Variants in ZHX2 observed in about 807,000 individuals in gnomAD.
ZHX2 encodes zinc fingers and homeoboxes 2, also known as zinc fingers and homeoboxes protein 2.
A neutral mutation model predicts 21.9 loss-of-function variants in ZHX2; 6 were observed. That is an observed-to-expected ratio of 0.27 (90% confidence interval 0.15 to 0.54). The LOEUF (loss-of-function observed/expected upper bound fraction) is 0.54, where lower values mean the gene tolerates loss of function less well. ZHX2 is among the 20% of genes least tolerant of loss of function. ZHX2 has a pLI of 0.95. For missense variants in ZHX2, 908 were observed against 1,090.7 expected, an observed-to-expected ratio of 0.83 and a Z score of 2.36; for synonymous variants, 434 against 437.1, an observed-to-expected ratio of 0.99 and a Z score of 0.09.
intron 1 of ZHX2, among the ~76,000 whole-genome samples, chr8:122,822,669 A>G (rs1454516027): frequency 1.3e-5 from 2 of 152,232 alleles, no homozygotes; most frequent in African/African-American, 4.8e-5. Context: ...AGGTCCGGAA[A>G]AGATGACAGC....
At chr8:122,940,490 G>A (rs1812814400) in intron 2 of ZHX2, among the ~76,000 whole-genome samples, 1 of 152,086 alleles carries the variant, frequency 6.6e-6, no homozygotes, top group African/African-American at 2.4e-5. Context: ...CTCCTCTCAG[G>A]GCCCCGTGTC....
chr8:122,935,809 AC>A (rs1812669947), intron 2 of ZHX2, among the ~76,000 whole-genome samples: 1 of 152,146 alleles, frequency 6.6e-6, no homozygotes. Flanking sequence ...TGCTGGGATT[AC>A]AGGTGTGAGC....
At chr8:122,960,551 A>T (rs1053932916) in intron 3 of ZHX2, among the ~76,000 whole-genome samples, 1 of 152,140 alleles carries the variant, frequency 6.6e-6, no homozygotes, top group African/African-American at 2.4e-5. Flanking sequence ...AATAATAATA[A>T]ATAAGTAAAT....
intron 1 of ZHX2, among the ~76,000 whole-genome samples, chr8:122,788,890 C>A (rs1303113405): frequency 6.6e-6 from 1 of 152,206 alleles, no homozygotes; most frequent in African/African-American, 2.4e-5. Context: ...GAGAGAATTA[C>A]AAATCCGCCT....
Position 122,953,388 on chromosome 8 carries a change from G to T in ZHX2, c.1878G>T (p.Leu626=), listed in dbSNP as rs531682416. The T allele has an allele frequency of 1.7e-5, 27 of 1,614,144 alleles. 1 individual carries two copies. In the South Asian group the frequency reaches 2.9e-4, roughly 17 times the overall value. Residue 626 remains leucine (L), a synonymous_variant, in exon 3 of 4, where the codon CTG becomes CTT. Transcript: ENST00000314393. The surrounding 1 kb of genome is among the most constrained non-coding windows in gnomAD (Gnocchi z 4.6). ...QLSGAQLTSS[L]PSPSPAIAKS... is the part of the protein sequence containing the mutation. The stretch of plus-strand genomic sequence containing the variant: ...CCGGTGCCCAGTTAACAAGTTCTCT[G>T]CCCAGCCCTTCGCCAGCAATTGCAA...
intron 2 of ZHX2, among the ~76,000 whole-genome samples, chr8:122,891,179 T>G (rs1819966393): frequency 1.3e-5 from 2 of 152,104 alleles, no homozygotes; most frequent in South Asian, 4.1e-4. Flanking sequence ...GTCCTAGGCT[T>G]TTCTTTGTTG....
intron 2 of ZHX2, among the ~76,000 whole-genome samples, chr8:122,895,926 T>C (rs1052900431): frequency 6.6e-6 from 1 of 151,990 alleles, no homozygotes; most frequent in Non-Finnish European, 1.5e-5. Flanking sequence ...CTCACTCTTA[T>C]TTTTTTTCTT....
intron 2 of ZHX2, among the ~76,000 whole-genome samples, chr8:122,876,579 C>G (rs117634280): frequency 6.6e-6 from 1 of 152,114 alleles, no homozygotes; most frequent in Non-Finnish European, 1.5e-5. Context: ...CAACGTGATG[C>G]CAGGCCTTGG....
At position 122,943,082 on chromosome 8, in the gene ZHX2, C is replaced by A. The variant is rs1364378473; in HGVS notation, c.-219-8210C>A. On this transcript the variant is annotated intron_variant, in intron 2 of 3. Coordinates refer to ENST00000314393, the MANE Select transcript of ZHX2 (RefSeq NM_014943.5). ...TTCGAGACCAGCCTGGCCAACATGG[C>A]GAAACCCCATCTTTACTAAAAGTAC... 4.0e-5 allele frequency among the ~76,000 whole-genome samples: 6 copies of A among 151,812 alleles called. No individual in the cohort carries two copies. In the South Asian group the frequency reaches 1.2e-3, roughly 32 times the overall value.
intron 3 of ZHX2, among the ~76,000 whole-genome samples, chr8:122,970,294 G>A (rs1813687346): frequency 6.6e-6 from 1 of 152,178 alleles, no homozygotes; most frequent in Admixed American, 6.5e-5. Flanking sequence ...CACCACCCTT[G>A]GGTCACAGCC....
chr8:122,898,572 C>T (rs1036211826), intron 2 of ZHX2, among the ~76,000 whole-genome samples: 6 of 152,212 alleles, frequency 3.9e-5, no homozygotes, highest in African/African-American at 1.4e-4. Flanking sequence ...CTTCATCCAT[C>T]ACAAGCTCCA....
At chr8:122,850,333 C>A (rs1818858516) in intron 1 of ZHX2, among the ~76,000 whole-genome samples, 1 of 151,858 alleles carries the variant, frequency 6.6e-6, no homozygotes. Flanking sequence ...CTACCACTGT[C>A]CCCCATTCAA....
rs550454859 is a variant in ZHX2 at position 122,974,217 on chromosome 8, C to T, written c.*980C>T. The T allele has an allele frequency of 2.0e-5, 3 of 152,560 alleles. No individual in the cohort carries two copies. The highest frequency in any genetic ancestry group is 4.4e-5 in the Non-Finnish European group (3 of 68,014). The allele number at this position is 152,560 out of a possible 1,614,324, so 9.5% of individuals were successfully genotyped here. On this transcript the variant is annotated 3_prime_UTR_variant, in exon 4 of 4. Transcript: ENST00000314393. ...ATTTGACAAGATTTTAGCTCAAAGC[C>T]TCACCATGAATTGATTTTTTTTGTT...
chr8:122,896,691 G>T (rs1300360288), intron 2 of ZHX2, among the ~76,000 whole-genome samples: 1 of 152,206 alleles, frequency 6.6e-6, no homozygotes, highest in South Asian at 2.1e-4. Flanking sequence ...GACACATTAA[G>T]TCACATAGCC....
chr8:122,957,981 C>G (rs187302861), intron 3 of ZHX2, among the ~76,000 whole-genome samples: 103 of 152,160 alleles, frequency 6.8e-4, no homozygotes, highest in African/African-American at 2.4e-3. Context: ...TATTTAAATA[C>G]TTATTTATTT....
chr8:122,962,587 C>T lies in ZHX2; in HGVS notation c.*4+8559C>T, dbSNP rs542450407. Reference sequence around the variant, plus strand: ...TGTGAATTTTGCTGCTATAAACATGCGTGTGCAAGTGTCTTCTTCATATAA... The same window carrying T: ...TGTGAATTTTGCTGCTATAAACATGTGTGTGCAAGTGTCTTCTTCATATAA... On this transcript the variant is annotated intron_variant, in intron 3 of 3. Transcript: ENST00000314393. Among the ~76,000 whole-genome samples, 530 of 152,254 alleles carry T rather than the reference C, an allele frequency of 3.5e-3. 6 individuals are homozygous for T. The highest frequency in any genetic ancestry group is 0.012 in the African/African-American group (507 of 41,546).
At chr8:122,932,676 C>T (rs1821022082) in intron 2 of ZHX2, among the ~76,000 whole-genome samples, 1 of 152,216 alleles carries the variant, frequency 6.6e-6, no homozygotes, top group Non-Finnish European at 1.5e-5. Context: ...CTTGTGGTTA[C>T]ATTTAGGTCC....
chr8:122,954,421 C>A (rs564195809), intron 3 of ZHX2, among the ~76,000 whole-genome samples: 1 of 152,262 alleles, frequency 6.6e-6, no homozygotes, highest in East Asian at 1.9e-4. Context: ...GATCCTCCCC[C>A]CTCAGCTTAT....
At chr8:122,938,814 G>A (rs188270272) in intron 2 of ZHX2, among the ~76,000 whole-genome samples, 1 of 152,094 alleles carries the variant, frequency 6.6e-6, no homozygotes, top group Non-Finnish European at 1.5e-5. Context: ...CTCCAGCCTG[G>A]GCAACAGAGC....
Sources: allele counts gnomAD v4.1 joint callset (sites outside exome capture counted in the v4.1 genomes callset), GRCh38; gene constraint gnomAD v4.1.1; non-coding constraint Gnocchi (gnomAD v3.1); transcripts MANE v1.5; gene names NCBI Gene and HGNC (gene_info 2026-07-23, HGNC 2026-07-21).